Variants in ZEB1 observed in about 807,000 individuals in gnomAD.
The protein encoded by ZEB1 is zinc finger E-box-binding homeobox 1.
In ZEB1, 21 loss-of-function variants were observed where a neutral mutation model predicts 84.9. The ratio of observed to expected loss-of-function variants is 0.25; its 90% CI spans 0.18 to 0.36. The LOEUF (loss-of-function observed/expected upper bound fraction) is 0.36. ZEB1 is among the 10% of genes least tolerant of loss of function. ZEB1 has a pLI of 1.00. For synonymous variants in ZEB1, 420 were observed against 471.1 expected (o/e 0.89, Z 1.41); for missense variants, 1,104 against 1,330.2 (o/e 0.83, Z 2.65).
chr10:31,486,929 A>G (rs1026692315), intron 2 of ZEB1, among the ~76,000 whole-genome samples: 2 of 151,380 alleles, frequency 1.3e-5, no homozygotes, highest in Non-Finnish European at 3.0e-5. Flanking sequence ...ATTTTGACCT[A>G]ATTTTTTTAT....
chr10:31,488,374 C>T (rs1407545650), intron 2 of ZEB1, among the ~76,000 whole-genome samples: 2 of 151,014 alleles, frequency 1.3e-5, no homozygotes, highest in East Asian at 3.9e-4. Context: ...TCCTTTATAT[C>T]CTTCTAATAT....
At chr10:31,454,610 T>A (rs2060979758) in intron 1 of ZEB1, among the ~76,000 whole-genome samples, 1 of 152,060 alleles carries the variant, frequency 6.6e-6, no homozygotes. Context: ...TCACAAGCAT[T>A]CCTATACACC....
At chr10:31,517,263 C>A (rs1341970917) in intron 6 of ZEB1, among the ~76,000 whole-genome samples, 1 of 151,604 alleles carries the variant, frequency 6.6e-6, no homozygotes, top group Admixed American at 6.6e-5. Flanking sequence ...ATACTGGTAC[C>A]CAAAAAATTT....
At chr10:31,474,661 C>G (rs1202411301) in intron 2 of ZEB1, among the ~76,000 whole-genome samples, 1 of 152,164 alleles carries the variant, frequency 6.6e-6, no homozygotes, top group Non-Finnish European at 1.5e-5. Context: ...GGCGATTCCT[C>G]AGGGATCTAG....
At chr10:31,396,293 C>T (rs917972608) in intron 1 of ZEB1, among the ~76,000 whole-genome samples, 18 of 152,136 alleles carry the variant, frequency 1.2e-4, no homozygotes, top group Admixed American at 3.9e-4. Flanking sequence ...CCTTTTGTTA[C>T]TGGCACGATG....
At chr10:31,424,423 G>A (rs1452080256) in intron 1 of ZEB1, among the ~76,000 whole-genome samples, 1 of 151,934 alleles carries the variant, frequency 6.6e-6, no homozygotes, top group Non-Finnish European at 1.5e-5. Flanking sequence ...CTGCAATTTA[G>A]GTATTCCATT....
At chr10:31,525,434 C>T (rs906361082) in intron 8 of ZEB1, among the ~76,000 whole-genome samples, 1 of 152,168 alleles carries the variant, frequency 6.6e-6, no homozygotes. Flanking sequence ...GGATTTCGAG[C>T]TTGAATGTGA....
At chr10:31,415,741 C>A (rs746084248) in intron 1 of ZEB1, among the ~76,000 whole-genome samples, 25 of 152,068 alleles carry the variant, frequency 1.6e-4, no homozygotes, top group African/African-American at 3.1e-4. Flanking sequence ...TATTTGTTGT[C>A]TTTTTTGCCT....
chr10:31,336,600 C>A (rs2038114298), intron 1 of ZEB1, among the ~76,000 whole-genome samples: 2 of 152,014 alleles, frequency 1.3e-5, no homozygotes, highest in African/African-American at 4.8e-5. Flanking sequence ...AGTGCCTAAT[C>A]CCGTATTTAG....
rs1296422833 is a variant in ZEB1 at position 31,527,217 on chromosome 10, G to A, written c.3331G>A (p.Gly1111Ser). 1 of 1,610,816 alleles carries A rather than the reference G, an allele frequency of 6.2e-7. No individual in the cohort carries two copies. Among genetic ancestry groups the A allele is most frequent in the Non-Finnish European group, 8.5e-7 (1 of 1,178,804 alleles). Residue 1111 changes from glycine (G) to serine (S), a missense_variant, in exon 9 of 9, where the codon GGC (glycine) becomes AGC (serine). Around this residue, in one of 7 missense-constraint regions of ZEB1, gnomAD observed 173 missense variants for 167.0 expected, o/e 1.04. Transcript: ENST00000424869. Reference protein sequence around the residue: ...SQASSLGQKVGESSEQVSEEK... With the variant: ...SQASSLGQKVSESSEQVSEEK... ...AGCAAGCAGCTTAGGACAAAAAGTA[G>A]GCGAGAGTAGTGAGCAAGTGTCTGA...
intron 1 of ZEB1, among the ~76,000 whole-genome samples, chr10:31,447,208 G>T (rs1335393480): frequency 6.6e-5 from 10 of 152,116 alleles, no homozygotes; most frequent in South Asian, 2.1e-4. Context: ...TGGTTTAAAG[G>T]CTGTTTTATC....
At chr10:31,440,356 G>C (rs552288401) in intron 1 of ZEB1, among the ~76,000 whole-genome samples, 1 of 151,872 alleles carries the variant, frequency 6.6e-6, no homozygotes, top group East Asian at 1.9e-4. Context: ...AAATTCAACA[G>C]CCCTTCATGC....
At chr10:31,464,858 C>T (rs1004897713) in intron 2 of ZEB1, among the ~76,000 whole-genome samples, 1 of 152,064 alleles carries the variant, frequency 6.6e-6, no homozygotes, top group African/African-American at 2.4e-5. Context: ...AAACCTGCTT[C>T]GTAAGAAAAA....
chr10:31,363,002 G>A (rs1382918269), intron 1 of ZEB1: 9 of 1,533,896 alleles, frequency 5.9e-6, no homozygotes, highest in African/African-American at 1.4e-5. Flanking sequence ...GCCGGTGGGG[G>A]CCGCTCGTCT....
In ZEB1 at chr10:31,409,132, A is replaced by G. The variant is rs1008222655; in HGVS notation, c.59-51905A>G. On this transcript the variant is annotated intron_variant, in intron 1 of 8. Transcript: ENST00000424869. ...AAAGAAGACATTTATGCAGCCAACA[A>G]ACACATGAAAAAATGCTCATGATCA... Among the ~76,000 whole-genome samples the G allele has an allele frequency of 9.1e-3, 1,388 of 152,352 alleles. 13 individuals are homozygous for G. Among genetic ancestry groups the G allele is most frequent in the African/African-American group, 0.031 (1,298 of 41,566 alleles).
intron 1 of ZEB1, among the ~76,000 whole-genome samples, chr10:31,439,271 G>C (rs1478779369): frequency 1.3e-5 from 2 of 151,944 alleles, no homozygotes; most frequent in African/African-American, 4.8e-5. Context: ...AGGTTTTTTT[G>C]TAATTAAAAA....
intron 2 of ZEB1, among the ~76,000 whole-genome samples, chr10:31,483,250 ATAT>A (rs2065286636): frequency 6.6e-6 from 1 of 152,016 alleles, no homozygotes; most frequent in Admixed American, 6.6e-5. Flanking sequence ...GCTTTCCCAA[ATAT>A]TATTTATTTT....
chr10:31,362,077 G>C (rs1203562129), intron 1 of ZEB1, among the ~76,000 whole-genome samples: 6 of 151,190 alleles, frequency 4.0e-5, no homozygotes, highest in Non-Finnish European at 1.5e-5. Flanking sequence ...TTCCCACACG[G>C]TGAGGAGGCC....
chr10:31,426,578 A>G (rs763809280), intron 1 of ZEB1, among the ~76,000 whole-genome samples: 7 of 152,196 alleles, frequency 4.6e-5, no homozygotes, highest in Non-Finnish European at 8.8e-5. Flanking sequence ...AGGTTTTCCA[A>G]CTGGGGACAT....
Sources: gnomAD v4.1 joint callset for allele counts (sites outside exome capture counted in the v4.1 genomes callset) on GRCh38, gnomAD v4.1.1 for gene constraint, gnomAD v4.1.1 regional missense constraint, MANE v1.5 for transcripts, NCBI Gene and HGNC (gene_info 2026-07-23, HGNC 2026-07-21) for gene names.